The following ACBD6 variants were observed in gnomAD, a reference collection of about 807,000 sequenced individuals.
The protein encoded by ACBD6 is acyl-CoA-binding domain-containing protein 6.
In ACBD6, 28 loss-of-function variants were observed where a neutral mutation model predicts 37.2. The ratio of observed to expected loss-of-function variants is 0.75; its 90% CI spans 0.56 to 1.03. The LOEUF (loss-of-function observed/expected upper bound fraction) is 1.03. Among genes scored for constraint, ACBD6 ranks in the 50% least tolerant of loss-of-function variants. ACBD6 has a pLI of 0.00. For synonymous variants in ACBD6, 113 were observed against 126.8 expected (o/e 0.89, Z 0.73); for missense variants, 340 against 337.4 (o/e 1.01, Z -0.06).
chr1:180,301,530 A>C (rs1252272274), intron 7 of ACBD6, among the ~76,000 whole-genome samples: 1 of 152,194 alleles, frequency 6.6e-6, no homozygotes, highest in Non-Finnish European at 1.5e-5. Flanking sequence ...GCCTGTTTCC[A>C]AGATGAATCA....
At chr1:180,480,887 T>C (rs1182110011) in intron 3 of ACBD6, among the ~76,000 whole-genome samples, 2 of 151,892 alleles carry the variant, frequency 1.3e-5, no homozygotes, top group Non-Finnish European at 2.9e-5. Context: ...AAAAATTAAC[T>C]GGGCATGGTG....
At chr1:180,304,984 C>G (rs1182958853) in intron 7 of ACBD6, among the ~76,000 whole-genome samples, 17 of 151,972 alleles carry the variant, frequency 1.1e-4, no homozygotes, top group Admixed American at 1.1e-3. Context: ...ACAAACCTGA[C>G]AAAAACAAGA....
rs529127569 is a variant in ACBD6, at chr1:180,306,048, T to A, written c.694+8644A>T. ...TCACTCATAGGTGGGAATTGAACAA[T>A]GAGAACACGTGGACACAGGAAGGGG... On this transcript the variant is annotated intron_variant, in intron 7 of 7. Transcript: ENST00000367595. Among the ~76,000 whole-genome samples the A allele has an allele frequency of 6.8e-3, 877 of 129,754 alleles. 7 individuals carry two copies. The highest frequency in any genetic ancestry group is 0.01 in the Middle Eastern group (2 of 196). The allele number at this position is 129,754 out of a possible 152,430, so 85.1% of individuals were successfully genotyped here.
At chr1:180,390,669 T>G (rs1446088732) in intron 6 of ACBD6, among the ~76,000 whole-genome samples, 1 of 152,168 alleles carries the variant, frequency 6.6e-6, no homozygotes, top group East Asian at 1.9e-4. Context: ...TGTATCCTCT[T>G]TTATTTCATC....
At chr1:180,469,067 G>A (rs1213404142) in intron 3 of ACBD6, among the ~76,000 whole-genome samples, 2 of 152,150 alleles carry the variant, frequency 1.3e-5, no homozygotes, top group Non-Finnish European at 2.9e-5. Flanking sequence ...AGATAACCAT[G>A]TTTAATAATA....
At chr1:180,465,034 A>C (rs1650294328) in intron 3 of ACBD6, among the ~76,000 whole-genome samples, 1 of 152,220 alleles carries the variant, frequency 6.6e-6, no homozygotes, top group South Asian at 2.1e-4. Context: ...AATCAATTCA[A>C]GATGGATTAA....
intron 3 of ACBD6, among the ~76,000 whole-genome samples, chr1:180,441,183 T>C (rs1649267145): frequency 6.6e-6 from 1 of 152,032 alleles, no homozygotes; most frequent in Non-Finnish European, 1.5e-5. Context: ...CCAATGTCTC[T>C]ACATCCCTGC....
chr1:180,497,962 C>A (rs1378301406), intron 1 of ACBD6, among the ~76,000 whole-genome samples: 1 of 152,224 alleles, frequency 6.6e-6, no homozygotes, highest in Non-Finnish European at 1.5e-5. Context: ...GGAATCTGAA[C>A]TCATATCAAT....
downstream of ACBD6, among the ~76,000 whole-genome samples, chr1:180,283,538 C>T (rs1373579499): frequency 6.6e-6 from 1 of 152,106 alleles, no homozygotes; most frequent in Non-Finnish European, 1.5e-5. Flanking sequence ...TGCATAGAAA[C>T]CAGTCTGTAA....
chr1:180,491,897 C>T (rs986329276), intron 3 of ACBD6, among the ~76,000 whole-genome samples: 1 of 152,168 alleles, frequency 6.6e-6, no homozygotes, highest in African/African-American at 2.4e-5. Context: ...GCAGCCTCAG[C>T]CTCCCAGGTT....
At chr1:180,457,822 C>T (rs868425133) in intron 3 of ACBD6, among the ~76,000 whole-genome samples, 38 of 141,732 alleles carry the variant, frequency 2.7e-4, no homozygotes, top group Middle Eastern at 4.0e-3. Context: ...GACGGAGTTT[C>T]GCTCTTGTCG....
chr1:180,484,966 G>A (rs1205075725), intron 3 of ACBD6, among the ~76,000 whole-genome samples: 2 of 151,186 alleles, frequency 1.3e-5, no homozygotes, highest in South Asian at 2.1e-4. Flanking sequence ...AGCTACTCAG[G>A]AGGCTGAGGC....
intron 3 of ACBD6, among the ~76,000 whole-genome samples, chr1:180,456,009 G>A (rs4652504): frequency 0.64 from 97,848 of 151,808 alleles, 35,391 homozygotes; most frequent in Non-Finnish European, 0.82. Flanking sequence ...TCAGGAGTTC[G>A]AGACCAGCCG....
chr1:180,491,863 G>A (rs1651515625), intron 3 of ACBD6, among the ~76,000 whole-genome samples: 1 of 152,168 alleles, frequency 6.6e-6, no homozygotes, highest in Non-Finnish European at 1.5e-5. Flanking sequence ...AGGCTGGAGT[G>A]CAGTGGCCTG....
chr1:180,471,495 A>G (rs1484137102), intron 3 of ACBD6, among the ~76,000 whole-genome samples: 1 of 151,878 alleles, frequency 6.6e-6, no homozygotes, highest in Non-Finnish European at 1.5e-5. Flanking sequence ...GACTGGGGAG[A>G]AAAAGAGGTT....
rs936551736 is a variant in ACBD6 at position 180,409,063 on chromosome 1, G to T, written c.573+4303C>A. Among the ~76,000 whole-genome samples, 15 of 152,058 alleles carry T rather than the reference G, an allele frequency of 9.9e-5. 1 individual carries two copies. Among genetic ancestry groups the T allele is most frequent in the Non-Finnish European group, 2.2e-4 (15 of 68,006 alleles). ...TCCTAGCTACCTGGGGGCTGAGGTGGGAGGATCGCTTGAGCCCAGGAGGCA... is the reference window on the plus strand; with the variant it reads ...TCCTAGCTACCTGGGGGCTGAGGTGTGAGGATCGCTTGAGCCCAGGAGGCA... On this transcript the variant is annotated intron_variant, in intron 5 of 7. Transcript: ENST00000367595.
intron 1 of ACBD6, among the ~76,000 whole-genome samples, chr1:180,497,075 C>T (rs186252864): frequency 3.3e-5 from 5 of 152,306 alleles, no homozygotes; most frequent in Admixed American, 3.3e-4. Context: ...CAATTCTGGA[C>T]TCTCTAAAAT....
chr1:180,413,140 C>G (rs984482938), intron 5 of ACBD6, among the ~76,000 whole-genome samples: 1 of 152,180 alleles, frequency 6.6e-6, no homozygotes, highest in African/African-American at 2.4e-5. Context: ...AGCTATCAGA[C>G]TCCTACAAAT....
At chr1:180,333,151 T>C (rs1651552485) in intron 6 of ACBD6, among the ~76,000 whole-genome samples, 1 of 152,150 alleles carries the variant, frequency 6.6e-6, no homozygotes, top group Non-Finnish European at 1.5e-5. Flanking sequence ...ATTTTACATA[T>C]AACATAAAAA....
Sources: allele counts gnomAD v4.1 joint callset (sites outside exome capture counted in the v4.1 genomes callset), GRCh38; gene constraint gnomAD v4.1.1; transcripts MANE v1.5; gene names NCBI Gene and HGNC (gene_info 2026-07-23, HGNC 2026-07-21).